Variants in STS observed in about 807,000 individuals in gnomAD.
STS encodes the protein steryl-sulfatase.
A neutral mutation model predicts 26.8 loss-of-function variants in STS; 7 were observed. That is an observed-to-expected ratio of 0.26 (90% CI 0.15 to 0.49). The LOEUF is 0.49. STS is among the 20% of genes least tolerant of loss of function. The pLI, the probability that STS is intolerant of heterozygous loss-of-function variation, is 0.98. For missense variants in STS, 434 were observed against 465.6 expected, an observed-to-expected ratio of 0.93 and a Z score of 0.63; for synonymous variants, 199 against 189.4, an observed-to-expected ratio of 1.05 and a Z score of -0.42.
At chrX:7,166,115 C>T (rs1449761091) in intron 1 of STS, among the ~76,000 whole-genome samples, 4 of 108,829 alleles carry the variant, frequency 3.7e-5, no homozygotes, top group Non-Finnish European at 7.6e-5. Flanking sequence ...TCAATCGACC[C>T]GCCCATCTCA....
intron 2 of STS, among the ~76,000 whole-genome samples, chrX:7,241,331 G>A (rs139204412): frequency 9.0e-6 from 1 of 111,721 alleles, no homozygotes; most frequent in African/African-American, 3.3e-5. Context: ...TCTCTAAATA[G>A]CTAGGTTTTT....
Position 7,266,223 on chromosome X carries a change from G to A in STS, c.806+6451G>A, listed in dbSNP as rs181294439. On this transcript the variant is annotated intron_variant, in intron 6 of 10. Transcript: ENST00000674429. Reference sequence around the variant, plus strand: ...GCTGCTTCTCAGTTCATCTGTCAAAGGTGGTGAGGAAAATGATTTAAAACT... The same window carrying A: ...GCTGCTTCTCAGTTCATCTGTCAAAAGTGGTGAGGAAAATGATTTAAAACT... Among the ~76,000 whole-genome samples the A allele has an allele frequency of 7.2e-5, 8 of 111,751 alleles. No individual in the cohort carries two copies. The East Asian group carries it at 2.2e-3, about 31-fold the overall frequency.
chrX:7,219,450 C>T (rs1921449769), intron 2 of STS: 1 of 1,085,876 alleles, frequency 9.2e-7, no homozygotes. Context: ...CATTATCTGC[C>T]CAAGCACAGT....
chrX:7,241,782 C>T lies in STS; in HGVS notation c.-4-11414C>T, dbSNP rs1297224283. ...TCTGGGCACAGCTTAGCTGGATCCT[C>T]CTTAGCTTCTACGTCTCTTTCAGGC... On this transcript the variant is annotated intron_variant, in intron 2 of 10. Coordinates refer to ENST00000674429, the MANE Select transcript of STS (RefSeq NM_001320752.2). Among the ~76,000 whole-genome samples the T allele has an allele frequency of 3.6e-4, 40 of 112,030 alleles. No individual in the cohort carries two copies. The Admixed American group carries it at 3.7e-3, about 10-fold the overall frequency.
chrX:7,276,054 G>A lies in STS; in HGVS notation c.910G>A (p.Gly304Arg), dbSNP rs761153050. 5 of 1,204,609 alleles carry A rather than the reference G, an allele frequency of 4.2e-6. No individual in the cohort carries two copies. Among genetic ancestry groups the A allele is most frequent in the African/African-American group, 1.8e-5 (1 of 55,849 alleles). ...FAGKSQHGVY[G>R]DAVEEMDWSV... Reference sequence around the variant, plus strand: ...TGGCAAAAGTCAACACGGAGTCTACGGGGATGCTGTTGAGGAAATGGACTG... The same window carrying A: ...TGGCAAAAGTCAACACGGAGTCTACAGGGATGCTGTTGAGGAAATGGACTG... The change falls in exon 7 of 11, where the codon GGG becomes AGG. Residue 304 changes from glycine (G) to arginine (R), a missense_variant. Physicochemically the swap from Gly to Arg is moderately radical, Grantham distance 125. Around this residue, in one of 2 missense-constraint regions of STS, gnomAD observed 229 missense variants for 288.3 expected, o/e 0.79. Coordinates refer to ENST00000674429, the MANE Select transcript of STS (RefSeq NM_001320752.2).
intron 7 of STS, among the ~76,000 whole-genome samples, chrX:7,279,313 G>A (rs12389432): frequency 0.073 from 2,489 of 34,147 alleles, 133 homozygotes; most frequent in African/African-American, 0.19. Context: ...ATATATATAT[G>A]TGTGTGTGTG....
At chrX:7,310,977 T>G (rs1427093768) in intron 8 of STS, among the ~76,000 whole-genome samples, 5 of 112,101 alleles carry the variant, frequency 4.5e-5, no homozygotes, top group African/African-American at 1.6e-4. Context: ...CTGCATGATC[T>G]TATTGAATGC....
At chrX:7,313,295 A>G (rs1244164384) in intron 8 of STS, among the ~76,000 whole-genome samples, 3 of 112,096 alleles carry the variant, frequency 2.7e-5, no homozygotes, top group African/African-American at 9.7e-5. Context: ...CTCTTCAGGC[A>G]TTTTTTCCTT....
chrX:7,228,282 AT>A (rs753588712), intron 2 of STS, among the ~76,000 whole-genome samples: 1 of 111,459 alleles, frequency 9.0e-6, no homozygotes, highest in Admixed American at 9.6e-5. Context: ...CCATTTTTTA[AT>A]TTGTCAAGGA....
At chrX:7,283,397 G>A (rs1924971339) in intron 7 of STS, among the ~76,000 whole-genome samples, 1 of 112,166 alleles carries the variant, frequency 8.9e-6, no homozygotes, top group Non-Finnish European at 1.9e-5. Context: ...GTACTTCAGA[G>A]ACATCAAGAA....
intron 9 of STS, among the ~76,000 whole-genome samples, chrX:7,325,829 G>A (rs1927423089): frequency 8.9e-6 from 1 of 112,069 alleles, no homozygotes; most frequent in Non-Finnish European, 1.9e-5. Flanking sequence ...GGGAAACCCA[G>A]CCAGGCCTGT....
intron 8 of STS, among the ~76,000 whole-genome samples, chrX:7,307,597 G>A (rs1190426992): frequency 1.8e-5 from 2 of 111,973 alleles, no homozygotes; most frequent in Non-Finnish European, 3.8e-5. Flanking sequence ...ACCTAAAAAG[G>A]CAGGACATCC....
intron 1 of STS, among the ~76,000 whole-genome samples, chrX:7,170,819 G>A (rs1045273279): frequency 5.4e-5 from 6 of 110,797 alleles, no homozygotes; most frequent in Admixed American, 4.8e-4. Flanking sequence ...TCCTAGAGTC[G>A]CTGGGAATGT....
intron 1 of STS, among the ~76,000 whole-genome samples, chrX:7,188,907 A>G (rs1307527660): frequency 9.0e-6 from 1 of 111,479 alleles, no homozygotes; most frequent in Non-Finnish European, 1.9e-5. Flanking sequence ...TCATTCCTGC[A>G]GTGGGAGGTT....
intron 9 of STS, among the ~76,000 whole-genome samples, chrX:7,326,173 G>C (rs1927459744): frequency 9.1e-6 from 1 of 110,496 alleles, no homozygotes; most frequent in Admixed American, 9.7e-5. Context: ...CACTGCTGAG[G>C]CCCTCGGTTT....
At chrX:7,348,798 A>G (rs1928637907) in intron 10 of STS, among the ~76,000 whole-genome samples, 2 of 111,928 alleles carry the variant, frequency 1.8e-5, no homozygotes, top group South Asian at 7.5e-4. Context: ...TATACGTTGC[A>G]TGCCATTATA....
Position 7,257,801 on chromosome X carries a change from ATGTG to A in STS, c.382+229_382+232del, listed in dbSNP as rs751759238. 7.8e-3 allele frequency among the ~76,000 whole-genome samples: 764 copies of A among 97,418 alleles called. 4 individuals carry two copies. The highest frequency in any genetic ancestry group is 0.025 in the African/African-American group (682 of 27,521). 84.6% of individuals were successfully genotyped at this position (97,418 alleles called of 115,157 possible). ...CTATCTGGACTACTCAAATGTATAG[ATGTG>A]TGTGTGTGTGTGTGTTGTGTGTTTG... On this transcript the variant is annotated intron_variant, in intron 5 of 10. Transcript: ENST00000674429.
chrX:7,298,921 C>T (rs1489303000), intron 7 of STS, among the ~76,000 whole-genome samples: 2 of 103,115 alleles, frequency 1.9e-5, no homozygotes, highest in Non-Finnish European at 3.9e-5. Flanking sequence ...AAGGGGATAT[C>T]TACCTATCTA....
chrX:7,312,716 A>G (rs896970249), intron 8 of STS, among the ~76,000 whole-genome samples: 1 of 108,710 alleles, frequency 9.2e-6, no homozygotes, highest in African/African-American at 3.4e-5. Context: ...CTTCTCCCTC[A>G]CCTCCCGCCA....
Sources: allele counts gnomAD v4.1 joint callset (sites outside exome capture counted in the v4.1 genomes callset), GRCh38; gene constraint gnomAD v4.1.1; regional missense constraint gnomAD v4.1.1; transcripts MANE v1.5; gene names NCBI Gene and HGNC (gene_info 2026-07-23, HGNC 2026-07-21).